Variants in TRPM8 observed in about 807,000 individuals in gnomAD.
The protein encoded by TRPM8 is transient receptor potential cation channel subfamily M member 8, also known as TRPM8 cationic channel.
In TRPM8, 110 loss-of-function variants were observed where a neutral mutation model predicts 133.7. The ratio of observed to expected loss-of-function variants is 0.82; its 90% CI spans 0.70 to 0.96. TRPM8 has a LOEUF of 0.96. Among genes scored for constraint, TRPM8 ranks in the 40% least tolerant of loss-of-function variants. TRPM8 has a pLI of 0.00. For missense variants in TRPM8, 1,291 were observed against 1,379.5 expected (o/e 0.94, Z 1.02); for synonymous variants, 535 against 532.3 (o/e 1.01, Z -0.07).
At chr2:233,984,502 A>G (rs540279504) in intron 20 of TRPM8, among the ~76,000 whole-genome samples, 58 of 152,242 alleles carry the variant, frequency 3.8e-4, no homozygotes, top group South Asian at 2.5e-3. Context: ...GTTGTCCTTA[A>G]CACCTTCTCA....
intron 11 of TRPM8, among the ~76,000 whole-genome samples, chr2:233,955,898 T>C (rs1038781395): frequency 6.6e-6 from 1 of 152,168 alleles, no homozygotes; most frequent in Admixed American, 6.5e-5. Context: ...TCAGTGGCGG[T>C]ATTCGATTCC....
chr2:233,927,787 T>C lies in TRPM8; in HGVS notation c.117+1133T>C, dbSNP rs867482624. On this transcript the variant is annotated intron_variant, in intron 2 of 25. Coordinates refer to ENST00000324695, the MANE Select transcript of TRPM8 (RefSeq NM_024080.5). ...CTTTCTTTCTTTCTTTCTTTCTTTC[T>C]TTCTTTTCTTTCCTTCCTTCCTTCC... 8.4e-3 allele frequency among the ~76,000 whole-genome samples: 282 copies of C among 33,582 alleles called. 9 individuals are homozygous for C. The highest frequency in any genetic ancestry group is 0.042 in the African/African-American group (93 of 2,212). 22.0% of individuals were successfully genotyped at this position (33,582 alleles called of 152,430 possible).
chr2:233,992,815 G>T (rs751739414), intron 21 of TRPM8, among the ~76,000 whole-genome samples: 8 of 152,202 alleles, frequency 5.3e-5, no homozygotes, highest in Non-Finnish European at 8.8e-5. Context: ...CATGAGAGAT[G>T]GTCTCTAAGC....
intron 24 of TRPM8, among the ~76,000 whole-genome samples, chr2:234,009,066 T>C (rs1365340906): frequency 6.6e-6 from 1 of 152,156 alleles, no homozygotes; most frequent in Non-Finnish European, 1.5e-5. Context: ...TTATTCTGCC[T>C]GGGAACTTGC....
At chr2:233,918,299 A>T (rs1691342217) in intron 1 of TRPM8, among the ~76,000 whole-genome samples, 1 of 149,530 alleles carries the variant, frequency 6.7e-6, no homozygotes, top group African/African-American at 2.4e-5. Context: ...ATTTATTAAT[A>T]AGATATTTAT....
intron 8 of TRPM8, chr2:233,947,569 A>G (rs1691075056): frequency 7.7e-7 from 1 of 1,292,150 alleles, no homozygotes. Flanking sequence ...TTTATATGCC[A>G]CCTGGGGATG....
intron 15 of TRPM8, among the ~76,000 whole-genome samples, chr2:233,967,899 C>A (rs777690331): frequency 1.5e-4 from 23 of 152,058 alleles, no homozygotes; most frequent in Non-Finnish European, 3.2e-4. Context: ...GAACTTGGGG[C>A]CCTGGGGAGT....
intron 1 of TRPM8, among the ~76,000 whole-genome samples, chr2:233,924,188 G>C (rs1691466120): frequency 6.6e-6 from 1 of 152,194 alleles, no homozygotes; most frequent in Non-Finnish European, 1.5e-5. Flanking sequence ...CAAGTCAGGA[G>C]CGGAAGGACT....
At chr2:234,008,133 T>C in intron 24 of TRPM8, 30 bp downstream of exon 24, 1 of 1,584,566 alleles carries the variant, frequency 6.3e-7, no homozygotes, top group Admixed American at 1.9e-5. Flanking sequence ...TTGGATTTTT[T>C]TTTTTTTTTG....
chr2:233,983,470 T>TTGTTTGAG, intron 20 of TRPM8: 1 of 501,310 alleles, frequency 2.0e-6, no homozygotes, highest in South Asian at 2.1e-5. Context: ...ATTCTGGTAT[T>TTGTTTGAG]TTCAATTAAC....
At chr2:234,015,297 T>A (rs948330010) in intron 25 of TRPM8, among the ~76,000 whole-genome samples, 1 of 152,220 alleles carries the variant, frequency 6.6e-6, no homozygotes. Context: ...ATGTTAGGAA[T>A]GTTTTATGGA....
chr2:233,993,118 C>G (rs1692323074), intron 21 of TRPM8, among the ~76,000 whole-genome samples: 1 of 152,156 alleles, frequency 6.6e-6, no homozygotes, highest in South Asian at 2.1e-4. Context: ...CTAGCCAATC[C>G]TGAATATGCA....
intron 8 of TRPM8, 109 bp from the exon 9 acceptor site, chr2:233,949,840 G>A (rs1691130979): frequency 1.1e-6 from 1 of 899,868 alleles, no homozygotes. Context: ...AGGAAAACGT[G>A]TAGGGATGTG....
chr2:233,966,479 A>G (rs1574735888), intron 14 of TRPM8, 131 bp from the exon 15 acceptor site: 4 of 1,127,848 alleles, frequency 3.5e-6, no homozygotes, highest in African/African-American at 3.1e-5. Flanking sequence ...GGCATTTTCT[A>G]TGCCTTTTGT....
At chr2:233,939,470 C>T (rs1248698339) in intron 5 of TRPM8, among the ~76,000 whole-genome samples, 2 of 152,052 alleles carry the variant, frequency 1.3e-5, no homozygotes, top group Non-Finnish European at 1.5e-5. Flanking sequence ...AAGTTTTACC[C>T]AGAATTTCGG....
Position 233,970,312 on chromosome 2 carries a change from C to T in TRPM8, c.2241C>T (p.Ala747=), listed in dbSNP as rs1011130410. Residue 747 remains alanine (A), a synonymous_variant, in exon 17 of 26, where the codon GCC becomes GCT. Coordinates refer to ENST00000324695, the MANE Select transcript of TRPM8 (RefSeq NM_024080.5). ...CCTGGAATGTGGTCTTCTACATCGC[C>T]TTCCTCCTGCTGTTTGCCTACGTGC... ...VFSWNVVFYI[A]FLLLFAYVLL... The T allele has an allele frequency of 1.9e-6, 3 of 1,614,090 alleles. No individual in the cohort carries two copies. The African/African-American group carries it at 4.0e-5, about 22-fold the overall frequency.
Position 234,017,600 on chromosome 2 carries a change from T to C in TRPM8, c.*344T>C, listed in dbSNP as rs1431942152. On this transcript the variant is annotated 3_prime_UTR_variant, in exon 26 of 26. Transcript: ENST00000324695. ...TAATCTTATTTTTGATGAACACATA[T>C]ATAGGAGAACATCTATCCTATGAAT... 3.8e-6 allele frequency: 1 copy of C among 265,610 alleles called. No individual in the cohort carries two copies. The highest frequency in any genetic ancestry group is 7.5e-6 in the Non-Finnish European group (1 of 134,068). The allele number at this position is 265,610 out of a possible 1,614,324, so 16.5% of individuals were successfully genotyped here.
chr2:233,991,472 C>CA (rs1236090346), intron 21 of TRPM8, among the ~76,000 whole-genome samples: 1 of 152,150 alleles, frequency 6.6e-6, no homozygotes, highest in Non-Finnish European at 1.5e-5. Flanking sequence ...TCACTGTCAC[C>CA]ACGGGCCATG....
intron 22 of TRPM8, among the ~76,000 whole-genome samples, chr2:234,003,378 GTCTT>G (rs1316883418): frequency 7.2e-5 from 11 of 152,194 alleles, no homozygotes; most frequent in Admixed American, 6.5e-4. Context: ...GATAAGTTGC[GTCTT>G]TCTTTCCATC....
Sources: gnomAD v4.1 joint callset for allele counts (sites outside exome capture counted in the v4.1 genomes callset) on GRCh38, gnomAD v4.1.1 for gene constraint, MANE v1.5 for transcripts, NCBI Gene and HGNC (gene_info 2026-07-23, HGNC 2026-07-21) for gene names.